Variants in ZBTB7C observed in about 807,000 individuals in gnomAD.
ZBTB7C encodes zinc finger and BTB domain-containing protein 7C.
A neutral mutation model predicts 25.7 loss-of-function variants in ZBTB7C; 8 were observed. The ratio of observed to expected loss-of-function variants is 0.31; its 90% CI spans 0.18 to 0.56. The LOEUF (loss-of-function observed/expected upper bound fraction) is 0.56. ZBTB7C is among the 20% of genes least tolerant of loss of function. The pLI is 0.91. For missense variants in ZBTB7C, 824 were observed against 855.2 expected, an observed-to-expected ratio of 0.96 and a Z score of 0.46; for synonymous variants, 394 against 369.0, an observed-to-expected ratio of 1.07 and a Z score of -0.78.
chr18:48,281,135 T>A (rs1003746266), intron 2 of ZBTB7C, among the ~76,000 whole-genome samples: 2 of 152,162 alleles, frequency 1.3e-5, no homozygotes, highest in Non-Finnish European at 2.9e-5. Context: ...ATTACAGGCG[T>A]GAGCCACCAT....
chr18:48,404,244 G>A (rs907239001), intron 1 of ZBTB7C, among the ~76,000 whole-genome samples: 4 of 151,004 alleles, frequency 2.6e-5, no homozygotes, highest in Non-Finnish European at 5.9e-5. Context: ...AAGAGTGAGA[G>A]ACTCCATCTC....
intron 3 of ZBTB7C, among the ~76,000 whole-genome samples, chr18:48,113,232 A>G (rs536341895): frequency 1.9e-4 from 29 of 152,210 alleles, no homozygotes; most frequent in Non-Finnish European, 3.4e-4. Context: ...AACTGCAGTA[A>G]TCCCTTCTAA....
chr18:48,190,812 C>G (rs532801914), intron 2 of ZBTB7C, among the ~76,000 whole-genome samples: 1 of 152,064 alleles, frequency 6.6e-6, no homozygotes, highest in Non-Finnish European at 1.5e-5. Context: ...TGCTAAAGAT[C>G]CCCCCTCTCA....
At chr18:48,055,517 G>A (rs959245164) in intron 3 of ZBTB7C, among the ~76,000 whole-genome samples, 9 of 151,964 alleles carry the variant, frequency 5.9e-5, no homozygotes, top group African/African-American at 2.2e-4. Context: ...ACGGCTGTCT[G>A]GGGAGGGAGG....
rs189743893 is a variant in ZBTB7C at position 48,156,231 on chromosome 18, G to A, written c.-17+29703C>T. Reference sequence around the variant, plus strand: ...CCAGGATTTGGGTCATGTTCAAGATGAATGCCAAGAAGACCTGCCCACGTG... The same window carrying A: ...CCAGGATTTGGGTCATGTTCAAGATAAATGCCAAGAAGACCTGCCCACGTG... On this transcript the variant is annotated intron_variant, in intron 3 of 4. Coordinates refer to ENST00000590800, the MANE Select transcript of ZBTB7C (RefSeq NM_001318841.2). Among the ~76,000 whole-genome samples, 183 of 152,372 alleles carry A rather than the reference G, an allele frequency of 1.2e-3. 4 individuals are homozygous for A. The highest frequency in any genetic ancestry group is 4.2e-3 in the African/African-American group (173 of 41,582).
At chr18:48,110,251 C>G (rs973387876) in intron 3 of ZBTB7C, among the ~76,000 whole-genome samples, 1 of 152,148 alleles carries the variant, frequency 6.6e-6, no homozygotes, top group Non-Finnish European at 1.5e-5. Flanking sequence ...CCGAGGGTGG[C>G]ACACCCTCAG....
intron 1 of ZBTB7C, among the ~76,000 whole-genome samples, chr18:48,376,927 G>GT (rs1351677941): frequency 6.6e-6 from 1 of 152,228 alleles, no homozygotes; most frequent in African/African-American, 2.4e-5. Context: ...TTGTTAGGTA[G>GT]TAACACCTCC....
intron 2 of ZBTB7C, among the ~76,000 whole-genome samples, chr18:48,222,240 A>G (rs890658676): frequency 6.6e-6 from 1 of 152,048 alleles, no homozygotes; most frequent in Non-Finnish European, 1.5e-5. Flanking sequence ...TCTTGCCTCT[A>G]GGAAAGCATC....
At chr18:48,210,404 A>G (rs1038690970) in intron 2 of ZBTB7C, among the ~76,000 whole-genome samples, 5 of 152,244 alleles carry the variant, frequency 3.3e-5, no homozygotes, top group African/African-American at 9.6e-5. Context: ...GTGGAAACAA[A>G]TGTCCATCAA....
At chr18:48,108,783 C>T (rs4940257) in intron 3 of ZBTB7C, among the ~76,000 whole-genome samples, 136 of 151,788 alleles carry the variant, frequency 9.0e-4, no homozygotes, top group Middle Eastern at 3.4e-3. Context: ...CTGTGTGGGA[C>T]GGGCCTTCTG....
intron 3 of ZBTB7C, among the ~76,000 whole-genome samples, chr18:48,136,418 C>T (rs972482710): frequency 3.0e-4 from 46 of 152,324 alleles, no homozygotes; most frequent in African/African-American, 1.1e-3. Context: ...GGGCTCCCGC[C>T]GCGCGCCTAG....
intron 2 of ZBTB7C, among the ~76,000 whole-genome samples, chr18:48,285,247 A>G (rs1242066973): frequency 1.3e-5 from 2 of 152,192 alleles, no homozygotes; most frequent in Admixed American, 6.5e-5. Context: ...AATCTCTTAC[A>G]GTAATTGTAG....
At chr18:48,219,023 C>T (rs1275742467) in intron 2 of ZBTB7C, among the ~76,000 whole-genome samples, 1 of 152,184 alleles carries the variant, frequency 6.6e-6, no homozygotes, top group Non-Finnish European at 1.5e-5. Flanking sequence ...GCCAACCAGC[C>T]CCTTCTCCAA....
chr18:48,156,080 T>A (rs1356858606), intron 3 of ZBTB7C, among the ~76,000 whole-genome samples: 1 of 152,200 alleles, frequency 6.6e-6, no homozygotes, highest in Non-Finnish European at 1.5e-5. Context: ...ACGTGTGCAT[T>A]TATAACCCAC....
chr18:48,227,033 AAAAAAG>A (rs1395229085), intron 2 of ZBTB7C, among the ~76,000 whole-genome samples: 2 of 149,744 alleles, frequency 1.3e-5, no homozygotes, highest in Admixed American at 6.6e-5. Flanking sequence ...AAAAAAAAAA[AAAAAAG>A]AAAAAGAAAA....
chr18:48,161,473 T>TGC (rs1300331629), intron 3 of ZBTB7C, among the ~76,000 whole-genome samples: 2 of 151,816 alleles, frequency 1.3e-5, no homozygotes, highest in East Asian at 3.9e-4. Context: ...GGGTAGAGGG[T>TGC]GCTGGGCAGC....
At chr18:48,101,404 C>A (rs1209472402) in intron 3 of ZBTB7C, among the ~76,000 whole-genome samples, 1 of 152,168 alleles carries the variant, frequency 6.6e-6, no homozygotes, top group African/African-American at 2.4e-5. Context: ...ATGTTTAAAT[C>A]AGTATTCCAA....
intron 3 of ZBTB7C, among the ~76,000 whole-genome samples, chr18:48,101,782 G>A (rs984761658): frequency 3.3e-5 from 5 of 152,082 alleles, no homozygotes; most frequent in African/African-American, 1.2e-4. Context: ...CTAACCATCT[G>A]GTCTCTCATT....
chr18:48,327,389 A>G (rs1011847003), intron 2 of ZBTB7C, among the ~76,000 whole-genome samples: 2 of 152,134 alleles, frequency 1.3e-5, no homozygotes, highest in African/African-American at 4.8e-5. Flanking sequence ...TCACAAATAT[A>G]CGCTCATTTT....
Sources: allele counts gnomAD v4.1 joint callset (sites outside exome capture counted in the v4.1 genomes callset), GRCh38; gene constraint gnomAD v4.1.1; transcripts MANE v1.5; gene names NCBI Gene and HGNC (gene_info 2026-07-23, HGNC 2026-07-21).